Variants in DISC1 observed in about 807,000 individuals in gnomAD.
The protein encoded by DISC1 is disrupted in schizophrenia 1 protein.
DISC1 carries 57 observed loss-of-function variants against 84.5 expected under a neutral mutation model. The observed-to-expected ratio is 0.67, with a 90% CI of 0.55 to 0.84. DISC1 has a LOEUF of 0.84. DISC1 is among the 40% of genes least tolerant of loss of function. The pLI is 0.00. For synonymous variants in DISC1, 411 were observed against 415.2 expected, an observed-to-expected ratio of 0.99 and a Z score of 0.12; for missense variants, 1,000 against 1,057.8, an observed-to-expected ratio of 0.95 and a Z score of 0.76.
intron 9 of DISC1, among the ~76,000 whole-genome samples, chr1:231,944,551 G>A (rs2091509741): frequency 6.6e-6 from 1 of 152,130 alleles, no homozygotes; most frequent in African/African-American, 2.4e-5. Context: ...TTTCACAGGT[G>A]GTAAGCAGAA....
chr1:232,011,867 A>G (rs1281588854), intron 11 of DISC1, among the ~76,000 whole-genome samples: 1 of 152,238 alleles, frequency 6.6e-6, no homozygotes, highest in Non-Finnish European at 1.5e-5. Flanking sequence ...ATCAAAACGC[A>G]GTGTGGCCTG....
rs550554158 is a variant in DISC1 at position 231,626,799 on chromosome 1, C to A, written c.-69C>A. On this transcript the variant is annotated 5_prime_UTR_variant, in exon 1 of 13. Transcript: ENST00000439617. ...CGTCCAGCGCGCTGCTCCCTTCCCC[C>A]CGCCTCTGGCCTCGGGGAAGGAGCA... The A allele has an allele frequency of 2.5e-6, 3 of 1,208,982 alleles. No homozygotes were observed. The highest frequency in any genetic ancestry group is 3.3e-6 in the Non-Finnish European group (3 of 922,100). 74.9% of individuals were successfully genotyped at this position (1,208,982 alleles called of 1,614,324 possible). A position where few individuals can be genotyped will look rare whatever the true frequency, so the allele number is the denominator to read the frequency against.
chr1:231,929,545 G>A (rs929347833), intron 9 of DISC1, among the ~76,000 whole-genome samples: 4 of 152,172 alleles, frequency 2.6e-5, no homozygotes, highest in Non-Finnish European at 4.4e-5. Context: ...CTCAGAGCAC[G>A]GCCGCAGCTT....
chr1:231,979,308 C>T (rs565570822), intron 10 of DISC1, among the ~76,000 whole-genome samples: 7 of 151,876 alleles, frequency 4.6e-5, no homozygotes, highest in South Asian at 4.2e-4. Context: ...TGAATCACCC[C>T]GAAACCATCC....
intron 3 of DISC1, among the ~76,000 whole-genome samples, chr1:231,729,916 T>C (rs922260132): frequency 6.6e-6 from 1 of 152,174 alleles, no homozygotes; most frequent in African/African-American, 2.4e-5. Flanking sequence ...TAAAAAATAA[T>C]GATGATGGTG....
At chr1:231,884,613 G>A (rs1280928027) in intron 9 of DISC1, among the ~76,000 whole-genome samples, 2 of 152,120 alleles carry the variant, frequency 1.3e-5, no homozygotes, top group Admixed American at 6.5e-5. Flanking sequence ...GGGTGTATAA[G>A]AACAATAGAC....
intron 1 of DISC1, among the ~76,000 whole-genome samples, chr1:231,653,692 C>T (rs897297967): frequency 1.3e-5 from 2 of 152,164 alleles, no homozygotes; most frequent in African/African-American, 4.8e-5. Flanking sequence ...GAACACACCC[C>T]TCCCAGAGTG....
chr1:231,749,878 G>C (rs923346526), intron 3 of DISC1, 48 bp from the exon 4 acceptor site: 1 of 1,613,486 alleles, frequency 6.2e-7, no homozygotes, highest in Non-Finnish European at 8.5e-7. Context: ...TATCTATTTT[G>C]CATTTCATGG....
intron 11 of DISC1, among the ~76,000 whole-genome samples, chr1:232,015,618 C>T (rs1438576396): frequency 7.2e-5 from 11 of 152,098 alleles, no homozygotes; most frequent in Admixed American, 5.2e-4. Flanking sequence ...CAAGAGCTTC[C>T]ACTCCCCAGG....
intron 11 of DISC1, among the ~76,000 whole-genome samples, chr1:232,026,178 A>T (rs1019757488): frequency 1.3e-5 from 2 of 152,166 alleles, no homozygotes; most frequent in African/African-American, 4.8e-5. Context: ...TCGGGACTTG[A>T]CATACTGGAA....
intron 10 of DISC1, among the ~76,000 whole-genome samples, chr1:231,990,293 A>G (rs1158896884): frequency 6.6e-6 from 1 of 152,012 alleles, no homozygotes; most frequent in Non-Finnish European, 1.5e-5. Context: ...CCTGGCCACC[A>G]CTAAAGGTCT....
At chr1:231,916,817 C>G (rs936820456) in intron 9 of DISC1, among the ~76,000 whole-genome samples, 4 of 152,136 alleles carry the variant, frequency 2.6e-5, no homozygotes, top group Non-Finnish European at 4.4e-5. Flanking sequence ...CAAGTTTATT[C>G]CTGTGTGACA....
chr1:231,930,132 T>A (rs752964970), intron 9 of DISC1, among the ~76,000 whole-genome samples: 4 of 152,238 alleles, frequency 2.6e-5, no homozygotes, highest in Non-Finnish European at 5.9e-5. Flanking sequence ...AAGCATTTAT[T>A]TAATAGAGAG....
intron 9 of DISC1, among the ~76,000 whole-genome samples, chr1:231,838,603 A>G (rs1372720495): frequency 6.6e-6 from 1 of 152,138 alleles, no homozygotes; most frequent in African/African-American, 2.4e-5. Context: ...AGCTGTTAAC[A>G]TTGGGTGAAT....
intron 6 of DISC1, among the ~76,000 whole-genome samples, chr1:231,777,029 T>G (rs950979626): frequency 6.6e-6 from 1 of 152,176 alleles, no homozygotes; most frequent in African/African-American, 2.4e-5. Flanking sequence ...TTTCCATTCG[T>G]GAAGATTGTT....
In DISC1 at chr1:232,036,816, C is replaced by G. The variant is rs367543100; in HGVS notation, c.2550C>G (p.His850Gln). The change falls in exon 13 of 13, where the codon CAC (histidine) becomes CAG (glutamine). Residue 850 changes from histidine to glutamine, a missense_variant. Transcript: ENST00000439617. ...AAASCMTAGV[H>Q]EAQA ...CTTCCTGCATGACAGCTGGTGTCCA[C>G]GAAGCACAAGCCTGAGGAGTGACGG... 2 of 1,588,062 alleles carry G rather than the reference C, an allele frequency of 1.3e-6. No homozygotes were observed. The highest frequency in any genetic ancestry group is 1.7e-6 in the Non-Finnish European group (2 of 1,163,636).
In DISC1 at chr1:231,979,317, C is replaced by T. The variant is rs1205842070; in HGVS notation, c.2042+20429C>T. ...TGCGTTTGAATCACCCCGAAACCATCCCTAACCCCCTTGATCTGTGGAAAA... is the reference window on the plus strand; with the variant it reads ...TGCGTTTGAATCACCCCGAAACCATTCCTAACCCCCTTGATCTGTGGAAAA... On this transcript the variant is annotated intron_variant, in intron 10 of 12. Transcript: ENST00000439617. 3.9e-5 allele frequency among the ~76,000 whole-genome samples: 6 copies of T among 152,018 alleles called. No homozygotes were observed. The East Asian group carries it at 1.2e-3, about 29-fold the overall frequency.
intron 6 of DISC1, among the ~76,000 whole-genome samples, chr1:231,775,348 G>A (rs1392262436): frequency 6.6e-6 from 1 of 152,222 alleles, no homozygotes; most frequent in African/African-American, 2.4e-5. Flanking sequence ...GGAGGCCATC[G>A]TTTCTGACTG....
At chr1:231,658,794 A>G (rs2061345602) in intron 1 of DISC1, among the ~76,000 whole-genome samples, 1 of 152,210 alleles carries the variant, frequency 6.6e-6, no homozygotes, top group South Asian at 2.1e-4. Flanking sequence ...TGATTTGCAT[A>G]TGTTGAACCA....
Sources: gnomAD v4.1 joint callset for allele counts (sites outside exome capture counted in the v4.1 genomes callset) on GRCh38, gnomAD v4.1.1 for gene constraint, MANE v1.5 for transcripts, NCBI Gene and HGNC (gene_info 2026-07-23, HGNC 2026-07-21) for gene names.